The following TRIM14 variants were observed in gnomAD, a reference collection of about 807,000 sequenced individuals.
TRIM14 encodes the protein tripartite motif-containing protein 14.
A neutral mutation model predicts 44.5 loss-of-function variants in TRIM14; 28 were observed. The ratio of observed to expected loss-of-function variants is 0.63; its 90% CI spans 0.47 to 0.86. The LOEUF (loss-of-function observed/expected upper bound fraction) is 0.86, where lower values mean the gene tolerates loss of function less well. Ranked by LOEUF, TRIM14 falls within the 40% of genes least tolerant of loss-of-function variation. The probability of loss-of-function intolerance (pLI) is 0.00; values close to 1 mark genes in which losing one functional copy is unlikely to be tolerated. For missense variants in TRIM14, 607 were observed against 611.1 expected (o/e 0.99, Z 0.07); for synonymous variants, 299 against 269.2 (o/e 1.11, Z -1.08).
intron 6 of TRIM14, chr9:98,076,936 C>A (rs758287793): frequency 6.2e-7 from 1 of 1,612,028 alleles, no homozygotes; most frequent in Non-Finnish European, 8.5e-7. Flanking sequence ...TGAATTCCTG[C>A]ATGAACTGAA....
At chr9:98,099,727 A>T (rs796428844) in intron 3 of TRIM14, among the ~76,000 whole-genome samples, 8 of 152,326 alleles carry the variant, frequency 5.3e-5, no homozygotes, top group African/African-American at 1.9e-4. Context: ...TGTTAATATT[A>T]TTTAATTAGC....
chr9:98,050,628 CCT>C, the TRIM14 span, among the ~76,000 whole-genome samples: 1 of 152,174 alleles, frequency 6.6e-6, no homozygotes. Context: ...AAATATTCCC[CCT>C]TTTTGGTCAC....
At chr9:98,118,335 G>A (rs1204417844) in intron 1 of TRIM14, among the ~76,000 whole-genome samples, 2 of 152,170 alleles carry the variant, frequency 1.3e-5, no homozygotes, top group African/African-American at 4.8e-5. Context: ...GGCTAATGGA[G>A]TCCTGGGTTC....
chr9:98,078,836 GAA>G (rs11424970), intron 6 of TRIM14, among the ~76,000 whole-genome samples: 78 of 122,998 alleles, frequency 6.3e-4, no homozygotes, highest in African/African-American at 7.5e-4. Flanking sequence ...CTCTCAGGGG[GAA>G]AAAAAAAAAA....
the TRIM14 span, among the ~76,000 whole-genome samples, chr9:98,046,179 A>G: frequency 2.0e-5 from 3 of 152,154 alleles, no homozygotes; most frequent in African/African-American, 7.2e-5. Context: ...TAATCAAGGG[A>G]ACCCGAGAGC....
exon 7 of TRIM14, chr9:98,069,684 C>G (rs1016185985): frequency 6.6e-6 from 1 of 152,214 alleles, no homozygotes; most frequent in Non-Finnish European, 1.5e-5. Context: ...GCTTCCATGA[C>G]ATTCTGGAAA....
chr9:98,111,791 AGC>A (rs1482102049), intron 1 of TRIM14, among the ~76,000 whole-genome samples: 1 of 152,034 alleles, frequency 6.6e-6, no homozygotes, highest in Non-Finnish European at 1.5e-5. Flanking sequence ...ATACAAAATT[AGC>A]CAGGCATGGT....
chr9:98,073,270 G>GTT (rs1829425927), intron 6 of TRIM14, among the ~76,000 whole-genome samples: 1 of 104,996 alleles, frequency 9.5e-6, no homozygotes, highest in Non-Finnish European at 1.9e-5. Flanking sequence ...ATCACCATGG[G>GTT]CTTTTTTTTT....
the TRIM14 span, chr9:98,056,892 C>T: frequency 6.2e-7 from 1 of 1,611,074 alleles, no homozygotes; most frequent in Non-Finnish European, 8.5e-7. Context: ...TCGGCCAGAA[C>T]CACCAGGGCG....
At chr9:98,101,514 T>C (rs1047100892) in intron 2 of TRIM14, among the ~76,000 whole-genome samples, 1 of 150,872 alleles carries the variant, frequency 6.6e-6, no homozygotes, top group Non-Finnish European at 1.5e-5. Flanking sequence ...CAACCTCCGC[T>C]TCCCGGGTAC....
chr9:98,043,185 T>TC, the TRIM14 span, among the ~76,000 whole-genome samples: 1 of 151,678 alleles, frequency 6.6e-6, no homozygotes, highest in East Asian at 1.9e-4. Context: ...AATTTGCATT[T>TC]TTTTTTTTTT....
rs780359858 is a variant in TRIM14 at position 98,109,973 on chromosome 9, T to C, written c.219A>G (p.Gln73=). ...TGATTGCCAGCTGCTTTAAACATTC[T>C]TGGCTGAGTTTCTGTACAGGAGGGA... ...EAAVHVQKLS[Q]ECLKQLAIKK... The change falls in exon 2 of 6, where the codon CAA becomes CAG. Residue 73 remains glutamine, a synonymous_variant. Coordinates refer to ENST00000341469, the MANE Select transcript of TRIM14 (RefSeq NM_014788.4). The C allele has an allele frequency of 1.2e-6, 2 of 1,614,060 alleles. No homozygotes were observed. The highest frequency in any genetic ancestry group is 1.7e-6 in the Non-Finnish European group (2 of 1,179,932).
chr9:98,050,702 C>T, the TRIM14 span, among the ~76,000 whole-genome samples: 4 of 152,118 alleles, frequency 2.6e-5, no homozygotes, highest in South Asian at 8.3e-4. Flanking sequence ...AGGGCCTTAA[C>T]GCCACTCTCA....
downstream of TRIM14, among the ~76,000 whole-genome samples, chr9:98,083,639 A>G (rs541765937): frequency 1.6e-3 from 245 of 152,392 alleles, 2 homozygotes; most frequent in African/African-American, 5.7e-3. Context: ...TCTTTGTGCC[A>G]GGCACTGCTT....
the TRIM14 span, among the ~76,000 whole-genome samples, chr9:98,054,970 TACTC>T: frequency 6.6e-5 from 10 of 152,218 alleles, no homozygotes; most frequent in African/African-American, 1.2e-4. Flanking sequence ...GTTTTATTAT[TACTC>T]ACATCAATTT....
rs1048386237 is a variant in TRIM14, at chr9:98,087,115, G to A, written c.*355C>T. ...TGTGCCTACTATGTGTCAGGTTCCT[G>A]TGCTGTACGAGGGAGAAGGTTCCCA... On this transcript the variant is annotated 3_prime_UTR_variant, in exon 6 of 6. Transcript: ENST00000341469. The A allele has an allele frequency of 2.3e-5, 12 of 520,162 alleles. No individual in the cohort carries two copies. Among genetic ancestry groups the A allele is most frequent in the African/African-American group, 2.3e-4 (12 of 52,228 alleles). 32.2% of individuals were successfully genotyped at this position (520,162 alleles called of 1,614,324 possible).
At chr9:98,113,570 G>A (rs1275736334) in intron 1 of TRIM14, among the ~76,000 whole-genome samples, 1 of 152,148 alleles carries the variant, frequency 6.6e-6, no homozygotes, top group Non-Finnish European at 1.5e-5. Flanking sequence ...GCTCAGGCTG[G>A]TTTTGAACTC....
chr9:98,101,462 G>T (rs1266113495), intron 2 of TRIM14, among the ~76,000 whole-genome samples: 2 of 147,302 alleles, frequency 1.4e-5, no homozygotes, highest in African/African-American at 2.5e-5. Flanking sequence ...TTTTGCTCTT[G>T]TCGCCTAGGC....
chr9:98,035,883 CA>C, the TRIM14 span, among the ~76,000 whole-genome samples: 1 of 152,306 alleles, frequency 6.6e-6, no homozygotes, highest in East Asian at 1.9e-4. Context: ...CTTGCTCATT[CA>C]GAAAATATTT....
Sources: gnomAD v4.1 joint callset for allele counts (sites outside exome capture counted in the v4.1 genomes callset) on GRCh38, gnomAD v4.1.1 for gene constraint, MANE v1.5 for transcripts, NCBI Gene and HGNC (gene_info 2026-07-23, HGNC 2026-07-21) for gene names.